Variants in NGEF observed in about 807,000 individuals in gnomAD.
The protein encoded by NGEF is ephexin-1.
In NGEF, 31 loss-of-function variants were observed where a neutral mutation model predicts 80.9. That is an observed-to-expected ratio of 0.38 (90% CI 0.29 to 0.52). The LOEUF is 0.52. Among genes scored for constraint, NGEF ranks in the 20% least tolerant of loss-of-function variants. The pLI is 0.84. For synonymous variants in NGEF, 371 were observed against 370.2 expected (o/e 1.00, Z -0.03); for missense variants, 709 against 926.2 (o/e 0.77, Z 3.04).
intron 1 of NGEF, among the ~76,000 whole-genome samples, chr2:232,987,138 T>C (rs561602726): frequency 1.3e-5 from 2 of 152,236 alleles, no homozygotes; most frequent in Admixed American, 1.3e-4. Context: ...TGCCTCAGCC[T>C]CCCAAGTAGC....
chr2:232,941,145 T>C (rs1277608528), intron 3 of NGEF, among the ~76,000 whole-genome samples: 1 of 152,116 alleles, frequency 6.6e-6, no homozygotes, highest in Non-Finnish European at 1.5e-5. Flanking sequence ...GTCGGAGCTG[T>C]CTTCTTGAGC....
At chr2:232,969,385 C>T (rs1694134877) in intron 3 of NGEF, among the ~76,000 whole-genome samples, 1 of 151,950 alleles carries the variant, frequency 6.6e-6, no homozygotes, top group Non-Finnish European at 1.5e-5. Flanking sequence ...GCTGGGATTA[C>T]AGGCACAAGC....
At chr2:232,975,055 G>GA in intron 1 of NGEF, 91 bp from the exon 2 acceptor site, 1 of 654,306 alleles carries the variant, frequency 1.5e-6, no homozygotes, top group South Asian at 2.1e-5. Context: ...CGAATTTGAT[G>GA]AAACGTGGGA....
chr2:232,983,967 G>T (rs1178044877), intron 1 of NGEF, among the ~76,000 whole-genome samples: 1 of 152,180 alleles, frequency 6.6e-6, no homozygotes, highest in Non-Finnish European at 1.5e-5. Context: ...CATCCTCCAG[G>T]CTGGAATGTT....
intron 5 of NGEF, among the ~76,000 whole-genome samples, chr2:232,901,826 G>A (rs1274116126): frequency 6.6e-6 from 1 of 152,234 alleles, no homozygotes; most frequent in African/African-American, 2.4e-5. Flanking sequence ...GCGTCCTTCC[G>A]GGACTCCCTT....
At chr2:232,939,362 ATTAT>A (rs1264160828) in intron 3 of NGEF, among the ~76,000 whole-genome samples, 9 of 152,246 alleles carry the variant, frequency 5.9e-5, no homozygotes, top group South Asian at 4.1e-4. Flanking sequence ...TGATATTATT[ATTAT>A]TTAAGTAGTC....
chr2:232,946,179 A>G (rs1693554031), intron 3 of NGEF, among the ~76,000 whole-genome samples: 1 of 152,094 alleles, frequency 6.6e-6, no homozygotes, highest in Non-Finnish European at 1.5e-5. Flanking sequence ...GAAGTAACTC[A>G]GGAATGGAAA....
intron 5 of NGEF, among the ~76,000 whole-genome samples, chr2:232,905,476 T>C (rs1012980607): frequency 1.3e-4 from 20 of 152,112 alleles, no homozygotes; most frequent in Non-Finnish European, 2.4e-4. Context: ...CAGCCGCCTG[T>C]CTTGGCCCCC....
intron 1 of NGEF, among the ~76,000 whole-genome samples, chr2:232,977,114 G>A (rs976739843): frequency 1.3e-5 from 2 of 152,158 alleles, no homozygotes; most frequent in Admixed American, 6.5e-5. Context: ...TCACTGAGGG[G>A]ATGAGGTTGC....
chr2:232,935,634 A>G (rs1189324569), intron 3 of NGEF, among the ~76,000 whole-genome samples: 1 of 152,180 alleles, frequency 6.6e-6, no homozygotes, highest in Non-Finnish European at 1.5e-5. Context: ...AAAAAAAAAG[A>G]AACTGAAGAC....
At chr2:232,910,322 G>C (rs189168275) in intron 5 of NGEF, among the ~76,000 whole-genome samples, 1 of 151,982 alleles carries the variant, frequency 6.6e-6, no homozygotes, top group African/African-American at 2.4e-5. Flanking sequence ...CACAAGGAGC[G>C]CACAACCTAG....
chr2:232,927,463 T>C (rs971415235), intron 3 of NGEF, among the ~76,000 whole-genome samples: 17 of 151,982 alleles, frequency 1.1e-4, no homozygotes, highest in Non-Finnish European at 2.4e-4. Context: ...CGGTGGAAAC[T>C]TGGCGCACCG....
chr2:232,927,884 C>T, intron 3 of NGEF: 1 of 1,281,636 alleles, frequency 7.8e-7, no homozygotes, highest in East Asian at 3.2e-5. Flanking sequence ...GACAGGCGCC[C>T]GTCCTCACCT....
At chr2:232,972,178 A>G (rs1467283000) in intron 2 of NGEF, among the ~76,000 whole-genome samples, 1 of 152,178 alleles carries the variant, frequency 6.6e-6, no homozygotes, top group Non-Finnish European at 1.5e-5. Context: ...ATTTTATGCA[A>G]TCTAATTCCA....
In NGEF at chr2:232,920,243, G is replaced by A. The variant is rs374395477; in HGVS notation, c.828+41C>T. On this transcript the variant is annotated intron_variant, in intron 5 of 14. Transcript: ENST00000264051. ...CACCCCCAGCAGTGAGGGCCACCCCGGTGTGCTGTGGGGGAGCCCCCGCCC... is the reference window on the plus strand; with the variant it reads ...CACCCCCAGCAGTGAGGGCCACCCCAGTGTGCTGTGGGGGAGCCCCCGCCC... The A allele has an allele frequency of 6.3e-5, 99 of 1,574,282 alleles. No homozygotes were observed. In the African/African-American group the frequency reaches 1.2e-3, roughly 19 times the overall value.
chr2:232,986,560 G>A (rs1006653411), intron 1 of NGEF, among the ~76,000 whole-genome samples: 3 of 152,236 alleles, frequency 2.0e-5, no homozygotes, highest in African/African-American at 7.2e-5. Context: ...CAACAGCATG[G>A]ATGAGCTTGG....
intron 5 of NGEF, among the ~76,000 whole-genome samples, chr2:232,910,582 C>T (rs576916000): frequency 3.5e-4 from 53 of 151,936 alleles, no homozygotes; most frequent in African/African-American, 1.0e-3. Flanking sequence ...GACACTGCTA[C>T]GGGGCGGGGC....
At chr2:232,883,216 G>A (rs1196567844) in intron 12 of NGEF, 95 bp downstream of exon 12, 2 of 1,419,924 alleles carry the variant, frequency 1.4e-6, no homozygotes, top group African/African-American at 1.4e-5. Context: ...AGCGTGTGTG[G>A]TGCCTTGTTC....
intron 7 of NGEF, among the ~76,000 whole-genome samples, chr2:232,891,890 C>T (rs1028631701): frequency 3.3e-5 from 5 of 152,112 alleles, no homozygotes; most frequent in Admixed American, 6.5e-5. Flanking sequence ...CAGGTGGGCT[C>T]AGCGGTGGGC....
Sources: gnomAD v4.1 joint callset for allele counts (sites outside exome capture counted in the v4.1 genomes callset) on GRCh38, gnomAD v4.1.1 for gene constraint, MANE v1.5 for transcripts, NCBI Gene and HGNC (gene_info 2026-07-23, HGNC 2026-07-21) for gene names.